Variants in DPP10 observed in about 807,000 individuals in gnomAD.
DPP10 encodes inactive dipeptidyl peptidase 10.
DPP10 carries 33 observed loss-of-function variants against 120.9 expected under a neutral mutation model. The observed-to-expected ratio is 0.27, with a 90% CI of 0.21 to 0.37. The LOEUF is 0.37. Among genes scored for constraint, DPP10 ranks in the 10% least tolerant of loss-of-function variants. The pLI is 1.00. For missense variants in DPP10, 816 were observed against 942.8 expected, an observed-to-expected ratio of 0.87 and a Z score of 1.76; for synonymous variants, 337 against 326.1, an observed-to-expected ratio of 1.03 and a Z score of -0.36.
intron 1 of DPP10, among the ~76,000 whole-genome samples, chr2:114,635,109 CTTG>C (rs1320346213): frequency 6.6e-6 from 1 of 151,356 alleles, no homozygotes; most frequent in East Asian, 1.9e-4. Context: ...TTTACGTAAA[CTTG>C]TTTAACTTCC....
intron 7 of DPP10, among the ~76,000 whole-genome samples, chr2:115,716,887 G>A (rs924214012): frequency 6.6e-6 from 1 of 152,080 alleles, no homozygotes; most frequent in African/African-American, 2.4e-5. Context: ...CCCATAAACT[G>A]GAAAAGCATT....
At chr2:114,445,754 C>T (rs1375517093) in intron 1 of DPP10, among the ~76,000 whole-genome samples, 1 of 152,074 alleles carries the variant, frequency 6.6e-6, no homozygotes, top group Non-Finnish European at 1.5e-5. Flanking sequence ...TTGACACTTG[C>T]TTTGGTCGTT....
intron 7 of DPP10, among the ~76,000 whole-genome samples, chr2:115,718,536 G>A (rs576901813): frequency 9.2e-5 from 14 of 151,352 alleles, no homozygotes; most frequent in African/African-American, 2.2e-4. Context: ...ACTAAAAATC[G>A]TGCTTTTATT....
intron 3 of DPP10, among the ~76,000 whole-genome samples, chr2:115,390,061 A>G (rs887970373): frequency 3.4e-4 from 51 of 152,148 alleles, no homozygotes; most frequent in African/African-American, 1.2e-3. Context: ...TATTTGCTGG[A>G]CCCAGCCCTA....
chr2:115,508,672 A>C (rs2077073966), intron 4 of DPP10, among the ~76,000 whole-genome samples: 1 of 152,186 alleles, frequency 6.6e-6, no homozygotes, highest in African/African-American at 2.4e-5. Flanking sequence ...TGGGAGCCTG[A>C]GGCAGGTGGA....
At chr2:115,802,725 A>G (rs1244463869) in intron 19 of DPP10, among the ~76,000 whole-genome samples, 2 of 152,054 alleles carry the variant, frequency 1.3e-5, no homozygotes, top group African/African-American at 2.4e-5. Context: ...TTTAGTTTCC[A>G]TGTAGTTGAG....
intron 5 of DPP10, among the ~76,000 whole-genome samples, chr2:115,544,731 ATT>A (rs1486926232): frequency 6.6e-6 from 1 of 152,086 alleles, no homozygotes; most frequent in African/African-American, 2.4e-5. Flanking sequence ...AACATATGGC[ATT>A]CAAGCATATC....
In DPP10 at chr2:115,318,832, A is replaced by G. The variant is rs535900236; in HGVS notation, c.175+9479A>G. On this transcript the variant is annotated intron_variant, in intron 2 of 25. Transcript: ENST00000410059. Reference sequence around the variant, plus strand: ...TATTGTAGATTATCTGAGATTTTCTATGTATGAGGATCATGTCATGTGTGA... The same window carrying G: ...TATTGTAGATTATCTGAGATTTTCTGTGTATGAGGATCATGTCATGTGTGA... 8.5e-5 allele frequency among the ~76,000 whole-genome samples: 13 copies of G among 152,242 alleles called. No homozygotes were observed. The East Asian group carries it at 1.9e-3, about 23-fold the overall frequency.
At chr2:115,642,050 C>T (rs2086827218) in intron 5 of DPP10, among the ~76,000 whole-genome samples, 1 of 152,072 alleles carries the variant, frequency 6.6e-6, no homozygotes, top group Admixed American at 6.6e-5. Flanking sequence ...ATAAGATTTT[C>T]AGTAATTAGA....
At chr2:115,243,342 A>G (rs2105589494) in intron 1 of DPP10, among the ~76,000 whole-genome samples, 1 of 152,246 alleles carries the variant, frequency 6.6e-6, no homozygotes, top group South Asian at 2.1e-4. Flanking sequence ...GAAAAGATGC[A>G]TTTCTTGCCC....
At chr2:114,491,177 G>C (rs1681966643) in intron 1 of DPP10, among the ~76,000 whole-genome samples, 1 of 152,014 alleles carries the variant, frequency 6.6e-6, no homozygotes, top group South Asian at 2.1e-4. Context: ...AATTATCTTT[G>C]ATTCTACTGA....
chr2:115,353,511 A>C (rs986920521), intron 3 of DPP10, among the ~76,000 whole-genome samples: 2 of 152,122 alleles, frequency 1.3e-5, no homozygotes. Flanking sequence ...AAGAATTTAA[A>C]ATTGCTCTGA....
intron 1 of DPP10, among the ~76,000 whole-genome samples, chr2:114,827,067 G>C (rs899307392): frequency 6.6e-6 from 1 of 151,436 alleles, no homozygotes; most frequent in South Asian, 2.1e-4. Context: ...TTTATGGCTT[G>C]TTTGGGGGTC....
At chr2:114,501,377 T>G (rs1464233376) in intron 1 of DPP10, among the ~76,000 whole-genome samples, 1 of 152,224 alleles carries the variant, frequency 6.6e-6, no homozygotes, top group East Asian at 1.9e-4. Flanking sequence ...TCTTGCAAAA[T>G]GTCCCAGCCT....
intron 1 of DPP10, among the ~76,000 whole-genome samples, chr2:114,804,453 C>T (rs981947534): frequency 1.2e-4 from 18 of 152,156 alleles, no homozygotes; most frequent in Admixed American, 1.2e-3. Flanking sequence ...ACCTGAAAAG[C>T]CACAGACACT....
intron 12 of DPP10, among the ~76,000 whole-genome samples, chr2:115,764,902 G>A (rs1455111421): frequency 1.3e-5 from 2 of 152,012 alleles, no homozygotes; most frequent in African/African-American, 2.4e-5. Flanking sequence ...CTGTCTTTTT[G>A]CATAGCAGAA....
intron 5 of DPP10, among the ~76,000 whole-genome samples, chr2:115,633,594 A>G (rs1163081020): frequency 1.3e-5 from 2 of 152,072 alleles, no homozygotes; most frequent in Non-Finnish European, 2.9e-5. Flanking sequence ...AAAGAAAAGA[A>G]TGTTGAATAT....
chr2:115,024,296 C>T (rs1294648654), intron 1 of DPP10, among the ~76,000 whole-genome samples: 4 of 151,998 alleles, frequency 2.6e-5, no homozygotes, highest in Admixed American at 6.6e-5. Flanking sequence ...AATTTTTAGG[C>T]CATTTCTATG....
At chr2:115,215,177 A>G (rs966841974) in intron 1 of DPP10, among the ~76,000 whole-genome samples, 2 of 152,158 alleles carry the variant, frequency 1.3e-5, no homozygotes, top group Admixed American at 6.5e-5. Context: ...TGTTGGCATT[A>G]TTCTGTAGGC....
Sources: gnomAD v4.1 joint callset for allele counts (sites outside exome capture counted in the v4.1 genomes callset) on GRCh38, gnomAD v4.1.1 for gene constraint, MANE v1.5 for transcripts, NCBI Gene and HGNC (gene_info 2026-07-23, HGNC 2026-07-21) for gene names.